SGCZ: variants seen among roughly 807,000 people sequenced by gnomAD.
The protein encoded by SGCZ is zeta-sarcoglycan.
Under a neutral mutation model 41.3 loss-of-function variants are expected in SGCZ, and 40 were observed. The ratio of observed to expected loss-of-function variants is 0.97; its 90% CI spans 0.75 to 1.26. The LOEUF (loss-of-function observed/expected upper bound fraction) is 1.26. Among genes scored for constraint, SGCZ ranks in the 50% most tolerant of loss-of-function variants. The pLI is 0.00. For missense variants in SGCZ, 552 were observed against 369.8 expected, an observed-to-expected ratio of 1.49 and a Z score of -4.04; for synonymous variants, 206 against 137.5, an observed-to-expected ratio of 1.50 and a Z score of -3.49.
At chr8:14,255,813 G>C (rs140799721) in intron 3 of SGCZ, among the ~76,000 whole-genome samples, 1 of 152,084 alleles carries the variant, frequency 6.6e-6, no homozygotes, top group South Asian at 2.1e-4. Flanking sequence ...GCATAAAAAT[G>C]TTACTTAATT....
intron 1 of SGCZ, among the ~76,000 whole-genome samples, chr8:14,721,824 C>A (rs931052805): frequency 7.9e-5 from 12 of 152,010 alleles, no homozygotes; most frequent in Admixed American, 2.0e-4. Flanking sequence ...CCTGTAAGCA[C>A]TGGCCATTCA....
At chr8:14,697,335 C>T (rs1808996369) in intron 1 of SGCZ, among the ~76,000 whole-genome samples, 1 of 151,952 alleles carries the variant, frequency 6.6e-6, no homozygotes, top group African/African-American at 2.4e-5. Context: ...ACTAATCATA[C>T]CTATCTCATT....
At chr8:14,129,485 G>C (rs180755381) in intron 5 of SGCZ, among the ~76,000 whole-genome samples, 14 of 149,808 alleles carry the variant, frequency 9.3e-5, no homozygotes, top group Non-Finnish European at 1.8e-4. Flanking sequence ...AATGGGTAAT[G>C]AAAGAAACCA....
intron 3 of SGCZ, among the ~76,000 whole-genome samples, chr8:14,242,261 T>C (rs1041395976): frequency 1.3e-5 from 2 of 152,194 alleles, no homozygotes; most frequent in Non-Finnish European, 1.5e-5. Flanking sequence ...CGTAGTGAAA[T>C]AGCAGTGGTA....
At chr8:14,588,734 C>G (rs1052306957) in intron 1 of SGCZ, among the ~76,000 whole-genome samples, 1 of 152,072 alleles carries the variant, frequency 6.6e-6, no homozygotes, top group East Asian at 1.9e-4. Flanking sequence ...TAATTCTCAA[C>G]AAGAAATGTA....
chr8:14,242,946 A>C (rs112112263), intron 3 of SGCZ, among the ~76,000 whole-genome samples: 8 of 152,356 alleles, frequency 5.3e-5, no homozygotes, highest in African/African-American at 1.9e-4. Flanking sequence ...TAAAAGAAAC[A>C]TCTTATACTC....
chr8:14,239,423 T>C (rs1192788210), intron 3 of SGCZ, among the ~76,000 whole-genome samples: 1 of 152,128 alleles, frequency 6.6e-6, no homozygotes, highest in Non-Finnish European at 1.5e-5. Context: ...GTGAAAAAAC[T>C]ATAGGTCAAA....
intron 1 of SGCZ, among the ~76,000 whole-genome samples, chr8:14,620,246 C>T (rs2117367184): frequency 6.6e-6 from 1 of 152,200 alleles, no homozygotes; most frequent in African/African-American, 2.4e-5. Flanking sequence ...ATGTAGAAAG[C>T]TGAAACTGGA....
At chr8:14,137,419 C>G (rs754713162) in intron 5 of SGCZ, among the ~76,000 whole-genome samples, 2 of 152,042 alleles carry the variant, frequency 1.3e-5, no homozygotes, top group African/African-American at 4.8e-5. Context: ...CACAAAGAAG[C>G]TAAAAACCTT....
intron 2 of SGCZ, among the ~76,000 whole-genome samples, chr8:14,471,243 T>A (rs1047850304): frequency 2.6e-5 from 4 of 152,138 alleles, no homozygotes; most frequent in Non-Finnish European, 4.4e-5. Context: ...CATTGTAGAA[T>A]GTTATTGTTT....
At chr8:14,819,235 A>G (rs1351653541) in intron 1 of SGCZ, among the ~76,000 whole-genome samples, 1 of 152,182 alleles carries the variant, frequency 6.6e-6, no homozygotes, top group African/African-American at 2.4e-5. Flanking sequence ...AAGATTGTGT[A>G]GCAGAAATCT....
At chr8:14,784,527 A>G (rs990921263) in intron 1 of SGCZ, among the ~76,000 whole-genome samples, 2 of 152,090 alleles carry the variant, frequency 1.3e-5, no homozygotes, top group South Asian at 2.1e-4. Flanking sequence ...ATGAACTGGT[A>G]GTACCATTAC....
At chr8:14,496,427 T>C (rs1475062360) in intron 2 of SGCZ, among the ~76,000 whole-genome samples, 2 of 152,148 alleles carry the variant, frequency 1.3e-5, no homozygotes, top group East Asian at 1.9e-4. Flanking sequence ...TGAATACAAG[T>C]AGTAAGTAGT....
At chr8:14,908,102 A>C (rs1282651804) in intron 1 of SGCZ, among the ~76,000 whole-genome samples, 1 of 152,208 alleles carries the variant, frequency 6.6e-6, no homozygotes, top group East Asian at 1.9e-4. Flanking sequence ...TAGCATATCT[A>C]AAGTCAGGGC....
intron 1 of SGCZ, among the ~76,000 whole-genome samples, chr8:14,757,473 T>C (rs1799716073): frequency 6.6e-6 from 1 of 152,192 alleles, no homozygotes; most frequent in African/African-American, 2.4e-5. Context: ...TGCCTCTTTG[T>C]CCTCTCTAAC....
chr8:14,568,629 C>T (rs1016554993), intron 1 of SGCZ, among the ~76,000 whole-genome samples: 2 of 152,056 alleles, frequency 1.3e-5, no homozygotes, highest in Non-Finnish European at 2.9e-5. Flanking sequence ...GAGCTAGGCA[C>T]TCTGTAAATG....
intron 1 of SGCZ, among the ~76,000 whole-genome samples, chr8:14,717,998 T>TATATATAG (rs1563222447): frequency 6.7e-6 from 1 of 149,834 alleles, no homozygotes; most frequent in East Asian, 1.9e-4. Context: ...TAAAATAAGA[T>TATATATAG]ATATATATAT....
Position 14,165,395 on chromosome 8 carries a change from C to G in SGCZ, c.425-693G>C, listed in dbSNP as rs1047134386. 18 of 152,170 alleles carry G rather than the reference C, an allele frequency of 1.2e-4. 1 individual carries two copies. The highest frequency in any genetic ancestry group is 1.0e-3 in the Admixed American group (16 of 15,266). 9.4% of individuals were successfully genotyped at this position (152,170 alleles called of 1,614,324 possible). On this transcript the variant is annotated intron_variant, in intron 4 of 7. Transcript: ENST00000382080. ...CCAATTCTACACACTGATCTATACA[C>G]AAAACTCAAAGCCAGCTTCCATATT...
chr8:15,109,884 T>G (rs1261523197), intron 1 of SGCZ, among the ~76,000 whole-genome samples: 1 of 152,198 alleles, frequency 6.6e-6, no homozygotes, highest in Non-Finnish European at 1.5e-5. Flanking sequence ...GGCAATCTCT[T>G]TATGGGCAAT....
Sources: gnomAD v4.1 joint callset for allele counts (sites outside exome capture counted in the v4.1 genomes callset) on GRCh38, gnomAD v4.1.1 for gene constraint, MANE v1.5 for transcripts, NCBI Gene and HGNC (gene_info 2026-07-23, HGNC 2026-07-21) for gene names.